The following ACYP2 variants were observed in gnomAD, a reference collection of about 807,000 sequenced individuals.
ACYP2 encodes acylphosphatase-2.
ACYP2 carries 12 observed loss-of-function variants against 11.2 expected under a neutral mutation model. The observed-to-expected ratio is 1.08, with a 90% confidence interval of 0.69 to 1.74. ACYP2 has a LOEUF of 1.74. ACYP2 is among the 40% of genes most tolerant of loss of function. ACYP2 has a pLI of 0.00. For synonymous variants in ACYP2, 43 were observed against 32.2 expected (o/e 1.33, Z -1.13); for missense variants, 134 against 101.9 (o/e 1.31, Z -1.35).
chr2:54,138,581 G>T (rs1382061667), intron 5 of ACYP2, 58 bp from the exon 3 acceptor site: 1 of 1,369,756 alleles, frequency 7.3e-7, no homozygotes, highest in East Asian at 2.4e-5. Flanking sequence ...AATCAAGTAT[G>T]TTATGAACTC....
At chr2:54,075,397 G>T (rs966355022) in intron 4 of ACYP2, among the ~76,000 whole-genome samples, 2 of 151,990 alleles carry the variant, frequency 1.3e-5, no homozygotes, top group African/African-American at 2.4e-5. Flanking sequence ...TACTTGGGAG[G>T]CTAAGGCATG....
chr2:54,029,517 C>A, intron 2 of ACYP2: 1 of 389,038 alleles, frequency 2.6e-6, no homozygotes, highest in Non-Finnish European at 4.9e-6. Flanking sequence ...GTTCCAGCAA[C>A]TCAGGCTCCT....
At chr2:54,015,569 G>A (rs1434355013) in intron 2 of ACYP2, among the ~76,000 whole-genome samples, 2 of 151,770 alleles carry the variant, frequency 1.3e-5, no homozygotes, top group Non-Finnish European at 2.9e-5. Context: ...GATCACCTGA[G>A]CCTGGGGAGG....
At chr2:54,299,746 C>T (rs1689653189) in intron 6 of ACYP2, among the ~76,000 whole-genome samples, 1 of 152,060 alleles carries the variant, frequency 6.6e-6, no homozygotes, top group Non-Finnish European at 1.5e-5. Context: ...TAAATCTGCC[C>T]TCTGAAATGG....
intron 6 of ACYP2, among the ~76,000 whole-genome samples, chr2:54,205,809 T>C (rs1049703650): frequency 1.3e-5 from 2 of 152,234 alleles, no homozygotes; most frequent in South Asian, 4.1e-4. Flanking sequence ...AGTGTTTGCA[T>C]AATTGGGTCA....
At chr2:54,023,921 G>A (rs553845780) in intron 2 of ACYP2, among the ~76,000 whole-genome samples, 44 of 152,154 alleles carry the variant, frequency 2.9e-4, no homozygotes, top group Middle Eastern at 6.8e-3. Flanking sequence ...GATAAAGAGG[G>A]AATCCTTCCT....
At chr2:54,114,110 T>C (rs1679606055) in intron 4 of ACYP2, among the ~76,000 whole-genome samples, 1 of 152,190 alleles carries the variant, frequency 6.6e-6, no homozygotes, top group Non-Finnish European at 1.5e-5. Context: ...GCACAGTATA[T>C]TGAATCAGAT....
intron 6 of ACYP2, among the ~76,000 whole-genome samples, chr2:54,194,412 A>G (rs1159242788): frequency 4.6e-5 from 7 of 152,158 alleles, no homozygotes; most frequent in African/African-American, 1.7e-4. Context: ...AAACATCAAT[A>G]TTTGGAAGTG....
chr2:54,013,522 A>G (rs1319499303), intron 2 of ACYP2, among the ~76,000 whole-genome samples: 1 of 149,482 alleles, frequency 6.7e-6, no homozygotes, highest in Admixed American at 6.7e-5. Flanking sequence ...CTGGTCTTGA[A>G]CTCCTGACCT....
intron 2 of ACYP2, chr2:53,975,506 G>A (rs1671428468): frequency 2.7e-6 from 1 of 376,442 alleles, no homozygotes; most frequent in African/African-American, 2.1e-5. Flanking sequence ...ATCTCTTGAA[G>A]GTCAGGAGAC....
intron 6 of ACYP2, among the ~76,000 whole-genome samples, chr2:54,155,530 T>C (rs916400120): frequency 6.6e-6 from 1 of 152,190 alleles, no homozygotes; most frequent in African/African-American, 2.4e-5. Context: ...TAGAGTCTTA[T>C]AGCAGAGCGA....
chr2:54,208,532 G>C (rs1433896101), intron 6 of ACYP2, among the ~76,000 whole-genome samples: 3 of 151,954 alleles, frequency 2.0e-5, no homozygotes, highest in Admixed American at 1.3e-4. Context: ...CCCAGGGTTG[G>C]GCAGGAAATT....
chr2:54,229,095 A>C (rs1686126940), intron 6 of ACYP2, among the ~76,000 whole-genome samples: 1 of 152,166 alleles, frequency 6.6e-6, no homozygotes, highest in Admixed American at 6.5e-5. Flanking sequence ...GCACCGAGCC[A>C]GGTAGGCCAT....
intron 6 of ACYP2, among the ~76,000 whole-genome samples, chr2:54,260,799 G>A (rs2104042722): frequency 6.6e-6 from 1 of 152,294 alleles, no homozygotes; most frequent in South Asian, 2.1e-4. Context: ...GAGCCAACAG[G>A]CCAGGATGGG....
intron 4 of ACYP2, among the ~76,000 whole-genome samples, chr2:54,072,659 C>A (rs1344202189): frequency 6.6e-6 from 1 of 151,072 alleles, no homozygotes; most frequent in Non-Finnish European, 1.5e-5. Context: ...GCCCCCTGGG[C>A]TTAAGCAATT....
chr2:54,256,755 C>T (rs1687558334), intron 6 of ACYP2, among the ~76,000 whole-genome samples: 1 of 152,274 alleles, frequency 6.6e-6, no homozygotes, highest in Non-Finnish European at 1.5e-5. Context: ...GATTCTCCTG[C>T]TTCAGCCTCC....
In ACYP2 at chr2:54,203,318, C is replaced by A. The variant is rs577013733; in HGVS notation, c.404+64570C>A. Among the ~76,000 whole-genome samples the A allele has an allele frequency of 2.6e-5, 4 of 152,230 alleles. No homozygotes were observed. The South Asian group carries it at 8.3e-4, about 32-fold the overall frequency. ...ATTTATTTTTGTATTTGATCCTGCA[C>A]CCTGCATACTTGTTGAACCTGTTTA... is the stretch of plus-strand genomic sequence containing the variant. On this transcript the variant is annotated intron_variant, in intron 6 of 6. Transcript: ENST00000607452.
At chr2:54,284,773 C>G (rs546571952) in intron 6 of ACYP2, among the ~76,000 whole-genome samples, 6 of 152,276 alleles carry the variant, frequency 3.9e-5, no homozygotes, top group African/African-American at 1.4e-4. Flanking sequence ...TCCCAGCAGG[C>G]TTTGCTTTCT....
chr2:54,062,260 C>T (rs917572551), intron 4 of ACYP2, among the ~76,000 whole-genome samples: 15 of 152,098 alleles, frequency 9.9e-5, no homozygotes, highest in African/African-American at 2.2e-4. Flanking sequence ...TCCCTTGCTA[C>T]GGCTCAGGGG....
Sources: gnomAD v4.1 joint callset for allele counts (sites outside exome capture counted in the v4.1 genomes callset) on GRCh38, gnomAD v4.1.1 for gene constraint, MANE v1.5 for transcripts, NCBI Gene and HGNC (gene_info 2026-07-23, HGNC 2026-07-21) for gene names.